Variants in WDR49 observed in about 807,000 individuals in gnomAD.
The protein encoded by WDR49 is cilia- and flagella-associated protein 337.
Under a neutral mutation model 119.5 loss-of-function variants are expected in WDR49, and 107 were observed. The ratio of observed to expected loss-of-function variants is 0.90; its 90% CI spans 0.77 to 1.05. The LOEUF (loss-of-function observed/expected upper bound fraction) is 1.05, where lower values mean the gene tolerates loss of function less well. WDR49 is among the 50% of genes least tolerant of loss of function. The pLI is 0.00. For missense variants in WDR49, 1,240 were observed against 1,220.5 expected, an observed-to-expected ratio of 1.02 and a Z score of -0.24; for synonymous variants, 425 against 418.8, an observed-to-expected ratio of 1.01 and a Z score of -0.18.
chr3:167,509,033 A>C (rs1374975483), intron 16 of WDR49, among the ~76,000 whole-genome samples: 1 of 152,198 alleles, frequency 6.6e-6, no homozygotes, highest in Non-Finnish European at 1.5e-5. Context: ...TGTTTAAGAA[A>C]CATTAATTTG....
At chr3:167,620,066 C>T (rs1176820793) in intron 5 of WDR49, among the ~76,000 whole-genome samples, 1 of 151,926 alleles carries the variant, frequency 6.6e-6, no homozygotes, top group Non-Finnish European at 1.5e-5. Flanking sequence ...AGGAATGGTT[C>T]TGAGGGAACT....
At chr3:167,588,858 T>C (rs1050437782) in intron 7 of WDR49, among the ~76,000 whole-genome samples, 1 of 152,048 alleles carries the variant, frequency 6.6e-6, no homozygotes, top group African/African-American at 2.4e-5. Context: ...GATGGATAGT[T>C]TGTAAATATT....
chr3:167,548,402 G>T (rs1712339371), intron 10 of WDR49, among the ~76,000 whole-genome samples: 1 of 151,928 alleles, frequency 6.6e-6, no homozygotes, highest in Non-Finnish European at 1.5e-5. Context: ...TTTATGGTTT[G>T]ACTTAAAATG....
rs577650504 is a variant in WDR49 at position 167,530,586 on chromosome 3, C to T, written c.2218+529G>A. ...CCAATACTTAAAAAAAAAAACAAAA[C>T]GATGAGAACAGAGAAGAGAGCAGGC... On this transcript the variant is annotated intron_variant, in intron 13 of 18. Coordinates refer to ENST00000682715, the MANE Select transcript of WDR49 (RefSeq NM_001366157.1). Among the ~76,000 whole-genome samples, 185 of 151,620 alleles carry T rather than the reference C, an allele frequency of 1.2e-3. 2 individuals are homozygous for T. The highest frequency in any genetic ancestry group is 3.7e-3 in the African/African-American group (152 of 41,370).
In WDR49 at chr3:167,560,050, C is replaced by T; in HGVS notation, c.1674+14G>A. On this transcript the variant is annotated intron_variant, in intron 9 of 18. Coordinates refer to ENST00000682715, the MANE Select transcript of WDR49 (RefSeq NM_001366157.1). Reference sequence around the variant, plus strand: ...TCCTCATATCTGGATAGAAAAGCATCATTGTGTTCGCACCTTTACAGTCCC... The same window carrying T: ...TCCTCATATCTGGATAGAAAAGCATTATTGTGTTCGCACCTTTACAGTCCC... 1.2e-6 allele frequency: 2 copies of T among 1,613,592 alleles called. No homozygotes were observed. Among genetic ancestry groups the T allele is most frequent in the South Asian group, 1.1e-5 (1 of 91,014 alleles).
chr3:167,506,972 T>C (rs1262939264), intron 16 of WDR49, among the ~76,000 whole-genome samples: 7 of 152,164 alleles, frequency 4.6e-5, no homozygotes, highest in Non-Finnish European at 8.8e-5. Flanking sequence ...GCTGCTCTTA[T>C]TGCATCAAAC....
At chr3:167,480,138 AC>A (rs1470626085) in intron 18 of WDR49, among the ~76,000 whole-genome samples, 1 of 150,332 alleles carries the variant, frequency 6.7e-6, no homozygotes, top group Non-Finnish European at 1.5e-5. Flanking sequence ...GAGGCCAGCT[AC>A]TCGGGAGGCT....
At chr3:167,567,688 C>T (rs969432927) in intron 8 of WDR49, among the ~76,000 whole-genome samples, 35 of 152,294 alleles carry the variant, frequency 2.3e-4, no homozygotes, top group Non-Finnish European at 3.5e-4. Context: ...CATGACCCCC[C>T]TTGTCTAGAG....
intron 7 of WDR49, among the ~76,000 whole-genome samples, chr3:167,593,655 T>C (rs1347425344): frequency 6.6e-6 from 1 of 152,076 alleles, no homozygotes; most frequent in Non-Finnish European, 1.5e-5. Context: ...TGGATGGTGT[T>C]GGTGTTAGTA....
chr3:167,575,736 A>G (rs538960481), intron 8 of WDR49, among the ~76,000 whole-genome samples, 182 bp downstream of exon 8: 27 of 152,212 alleles, frequency 1.8e-4, no homozygotes, highest in Non-Finnish European at 3.8e-4. Context: ...TGAAAATGAA[A>G]TCATTCTCCA....
At chr3:167,532,413 T>A (rs1331112229) in intron 12 of WDR49, among the ~76,000 whole-genome samples, 1 of 152,100 alleles carries the variant, frequency 6.6e-6, no homozygotes, top group Non-Finnish European at 1.5e-5. Flanking sequence ...TATACTCCCA[T>A]CTAATGTTCC....
At chr3:167,604,903 C>A (rs984330951) in intron 5 of WDR49, among the ~76,000 whole-genome samples, 2 of 152,048 alleles carry the variant, frequency 1.3e-5, no homozygotes, top group Non-Finnish European at 2.9e-5. Context: ...TGACTCCCAG[C>A]CTCCAGAACT....
chr3:167,539,589 C>T (rs1220259432), intron 10 of WDR49, among the ~76,000 whole-genome samples: 2 of 152,118 alleles, frequency 1.3e-5, no homozygotes, highest in Non-Finnish European at 2.9e-5. Flanking sequence ...TGAAACCATG[C>T]ATCTTGTCTT....
Position 167,627,217 on chromosome 3 carries a change from C to T in WDR49, c.241G>A (p.Gly81Ser). ...TQKMTEIVGW[G>S]TKEEYGELFD... ...AGCTCCCCATATTCTTCCTTCGTGC[C>T]CCAACCAACAATCTCTGTCATCTTC... The change falls in exon 3 of 19, where the codon GGC becomes AGC. Residue 81 changes from glycine to serine, a missense_variant. By Grantham distance (56) the Gly-to-Ser change is moderately conservative (BLOSUM62 0). Coordinates refer to ENST00000682715, the MANE Select transcript of WDR49 (RefSeq NM_001366157.1). The T allele has an allele frequency of 8.0e-7, 1 of 1,254,842 alleles. No individual in the cohort carries two copies. Among genetic ancestry groups the T allele is most frequent in the Non-Finnish European group, 1.0e-6 (1 of 1,000,212 alleles). 77.7% of individuals were successfully genotyped at this position (1,254,842 alleles called of 1,614,324 possible).
At chr3:167,542,835 A>C (rs767720768) in intron 10 of WDR49, among the ~76,000 whole-genome samples, 5 of 152,060 alleles carry the variant, frequency 3.3e-5, no homozygotes, top group Non-Finnish European at 5.9e-5. Context: ...AAAAATGCAA[A>C]AGATAAATGC....
At chr3:167,490,791 G>C (rs1314422914) in intron 18 of WDR49, among the ~76,000 whole-genome samples, 3 of 151,988 alleles carry the variant, frequency 2.0e-5, no homozygotes, top group Non-Finnish European at 1.5e-5. Context: ...GCCACTGACG[G>C]ATATGCAAAC....
intron 18 of WDR49, among the ~76,000 whole-genome samples, chr3:167,486,847 T>TCTAGGCTTAAA (rs1750940456): frequency 6.6e-6 from 1 of 151,954 alleles, no homozygotes; most frequent in African/African-American, 2.4e-5. Flanking sequence ...ACAAAGAAAC[T>TCTAGGCTTAAA]CTAGGCTTAA....
intron 7 of WDR49, among the ~76,000 whole-genome samples, chr3:167,597,508 G>T (rs1003949166): frequency 1.3e-5 from 2 of 152,158 alleles, no homozygotes; most frequent in African/African-American, 4.8e-5. Context: ...GCTGTGAGAA[G>T]AGGGCCACCA....
At chr3:167,621,857 A>G (rs1716888988) in intron 3 of WDR49, among the ~76,000 whole-genome samples, 2 of 152,122 alleles carry the variant, frequency 1.3e-5, no homozygotes, top group Non-Finnish European at 2.9e-5. Flanking sequence ...AGGCATTTGA[A>G]CATGCTTTAT....
Sources: gnomAD v4.1 joint callset for allele counts (sites outside exome capture counted in the v4.1 genomes callset) on GRCh38, gnomAD v4.1.1 for gene constraint, MANE v1.5 for transcripts, NCBI Gene and HGNC (gene_info 2026-07-23, HGNC 2026-07-21) for gene names.